Variants in SPTA1 observed in about 807,000 individuals in gnomAD.
SPTA1 encodes the protein spectrin alpha, erythrocytic 1.
In SPTA1, 177 loss-of-function variants were observed where a neutral mutation model predicts 324.7. That is an observed-to-expected ratio of 0.55 (90% CI 0.48 to 0.62). The LOEUF is 0.62. SPTA1 is among the 20% of genes least tolerant of loss of function. SPTA1 has a pLI of 0.00. For missense variants in SPTA1, 3,162 were observed against 2,883.6 expected (o/e 1.10, Z -2.21); for synonymous variants, 1,195 against 1,041.3 (o/e 1.15, Z -2.84).
chr1:158,680,829 T>C (rs1358716318), intron 4 of SPTA1, 100 bp from the exon 5 acceptor site: 6 of 1,481,118 alleles, frequency 4.1e-6, no homozygotes, highest in Non-Finnish European at 5.6e-6. Context: ...ATAACTCAAA[T>C]GGAGATACTG....
chr1:158,642,810 T>G lies in SPTA1; in HGVS notation c.4605+4A>C, dbSNP rs773116925. 1 of 1,613,886 alleles carries G rather than the reference T, an allele frequency of 6.2e-7. No individual in the cohort carries two copies. The highest frequency in any genetic ancestry group is 8.5e-7 in the Non-Finnish European group (1 of 1,179,832). On this transcript the variant is annotated splice_donor_region_variant and intron_variant, in intron 32 of 51. Transcript: ENST00000643759. The stretch of plus-strand genomic sequence containing the variant: ...ATTTTCCAAGATTCCTATTTTGAAC[T>G]TGCCTGAATGTTAGTGGCGTCTTTG...
chr1:158,659,816 T>C (rs1653088752), intron 18 of SPTA1, among the ~76,000 whole-genome samples: 1 of 66,162 alleles, frequency 1.5e-5, no homozygotes, highest in Non-Finnish European at 2.5e-5. Context: ...TTCACCTTGT[T>C]AGCCAGGATG....
intron 50 of SPTA1, 42 bp downstream of exon 50, chr1:158,613,679 C>T: frequency 6.2e-7 from 1 of 1,612,928 alleles, no homozygotes; most frequent in Non-Finnish European, 8.5e-7. Context: ...TCCCTCCAAA[C>T]CCCCATCCCT....
chr1:158,612,683 G>T, intron 51 of SPTA1, 134 bp downstream of exon 51: 1 of 927,484 alleles, frequency 1.1e-6, no homozygotes, highest in Non-Finnish European at 1.7e-6. Flanking sequence ...CAAAGCAAAT[G>T]ACATCTTGTG....
chr1:158,670,738 G>A (rs1327755525), intron 12 of SPTA1, among the ~76,000 whole-genome samples: 1 of 152,024 alleles, frequency 6.6e-6, no homozygotes, highest in Non-Finnish European at 1.5e-5. Flanking sequence ...GGAAAACTCT[G>A]TAGTCATATA....
intron 28 of SPTA1, 37 bp from the exon 29 acceptor site, chr1:158,645,422 C>T: frequency 6.2e-7 from 1 of 1,613,926 alleles, no homozygotes; most frequent in Non-Finnish European, 8.5e-7. Flanking sequence ...GTGAGGCCAA[C>T]TCCATTGGAA....
At chr1:158,646,241 A>G (rs1176481754) in intron 27 of SPTA1, among the ~76,000 whole-genome samples, 1 of 151,962 alleles carries the variant, frequency 6.6e-6, no homozygotes, top group East Asian at 1.9e-4. Flanking sequence ...AATTTTAACT[A>G]TGCATTAACT....
At position 158,645,089 on chromosome 1, in the gene SPTA1, C is replaced by T. The variant is rs945743729; in HGVS notation, c.4194+99G>A. 53 of 1,245,518 alleles carry T rather than the reference C, an allele frequency of 4.3e-5. No individual in the cohort carries two copies. The Middle Eastern group carries it at 1.1e-3, about 26-fold the overall frequency. The allele number at this position is 1,245,518 out of a possible 1,614,324, so 77.2% of individuals were successfully genotyped here. A position where few individuals can be genotyped will look rare whatever the true frequency, so the allele number is the denominator to read the frequency against. Reference sequence around the variant, plus strand: ...AGATGAGCTCCCTTTGTGTTTATAACGTGGAAAGTCTAGTGAACGGAGCCT... The same window carrying T: ...AGATGAGCTCCCTTTGTGTTTATAATGTGGAAAGTCTAGTGAACGGAGCCT... On this transcript the variant is annotated intron_variant, in intron 29 of 51. Transcript: ENST00000643759.
At chr1:158,629,154 A>T (rs1055525917) in intron 39 of SPTA1, among the ~76,000 whole-genome samples, 3 of 150,960 alleles carry the variant, frequency 2.0e-5, no homozygotes, top group Non-Finnish European at 4.4e-5. Flanking sequence ...AGATAGATAG[A>T]TAGATATGTC....
At chr1:158,671,646 C>T (rs1034704622) in intron 11 of SPTA1, among the ~76,000 whole-genome samples, 193 bp from the exon 12 acceptor site, 1 of 152,144 alleles carries the variant, frequency 6.6e-6, no homozygotes. Flanking sequence ...ATACAATTTT[C>T]TCACTTATGT....
At chr1:158,628,397 C>A (rs939135065) in intron 39 of SPTA1, among the ~76,000 whole-genome samples, 2 of 152,028 alleles carry the variant, frequency 1.3e-5, no homozygotes, top group African/African-American at 4.8e-5. Context: ...CAATTTTTTT[C>A]CTATACAACA....
Position 158,639,972 on chromosome 1 carries a change from A to T in SPTA1, c.4773T>A (p.His1591Gln). Residue 1591 changes from histidine to glutamine, a missense_variant, in exon 34 of 52, where the codon CAT (histidine) becomes CAA (glutamine). Transcript: ENST00000643759. Reference sequence around the variant, plus strand: ...CTTTGTCATTTGTTCTCTCAAGCAGATGATCCCAATGTTCCTTCAGCTGTT... The same window carrying T: ...CTTTGTCATTTGTTCTCTCAAGCAGTTGATCCCAATGTTCCTTCAGCTGTT... ...QLEQLKEHWD[H>Q]LLERTNDKGK... is the part of the protein sequence containing the mutation. 6.2e-7 allele frequency: 1 copy of T among 1,613,912 alleles called. No homozygotes were observed. The highest frequency in any genetic ancestry group is 8.5e-7 in the Non-Finnish European group (1 of 1,179,892).
chr1:158,665,250 C>T (rs1047696632), intron 16 of SPTA1, among the ~76,000 whole-genome samples: 18 of 152,042 alleles, frequency 1.2e-4, no homozygotes, highest in African/African-American at 3.9e-4. Flanking sequence ...CTCTGTTCTC[C>T]GGGTAGATTT....
chr1:158,642,476 CGCCATGCACCTGCTCAGATCG>C lies in SPTA1; in HGVS notation c.4651_4671del (p.Arg1551_Gly1557del). 1 of 1,613,664 alleles carries C rather than the reference CGCCATGCACCTGCTCAGATCG, an allele frequency of 6.2e-7. No homozygotes were observed. The highest frequency in any genetic ancestry group is 8.5e-7 in the Non-Finnish European group (1 of 1,179,740). ...ATCAGGGAGTTCCCCAGGTTGATGA[CGCCATGCACCTGCTCAGATCG>C]GCCATCGACTTCATGTGCAAAGGTC... On this transcript the variant is annotated inframe_deletion, in exon 33 of 52. Coordinates refer to ENST00000643759, the MANE Select transcript of SPTA1 (RefSeq NM_003126.4).
In SPTA1 at chr1:158,686,655, CT is replaced by C; in HGVS notation, c.-139del. On this transcript the variant is annotated 5_prime_UTR_variant, in exon 1 of 52. An upstream open reading frame in the 5' UTR loses its in-frame stop. Transcript: ENST00000643759. ...AAGTATGTGGGGGAAAAAAAAAAAC[CT>C]CTTGCTTGGTCCTAGAATCCCATCA... 1.5e-6 allele frequency: 1 copy of C among 681,932 alleles called. No individual in the cohort carries two copies. The highest frequency in any genetic ancestry group is 2.6e-6 in the Non-Finnish European group (1 of 388,760). 42.2% of individuals were successfully genotyped at this position (681,932 alleles called of 1,614,324 possible).
chr1:158,646,933 T>G (rs1420422635), intron 27 of SPTA1, among the ~76,000 whole-genome samples: 1 of 152,208 alleles, frequency 6.6e-6, no homozygotes, highest in Non-Finnish European at 1.5e-5. Flanking sequence ...TGTCTAGACT[T>G]TAGTAAGATA....
At position 158,647,553 on chromosome 1, in the gene SPTA1, G is replaced by T; in HGVS notation, c.3882C>A (p.Phe1294Leu). 1.2e-6 allele frequency: 2 copies of T among 1,613,384 alleles called. No individual in the cohort carries two copies. The highest frequency in any genetic ancestry group is 1.7e-6 in the Non-Finnish European group (2 of 1,179,866). The part of the protein sequence containing the change: ...SLNEAQKFYL[F>L]LSKARDLQNW... ...CCCCACTCTACCTGGCCTTGCTGAG[G>T]AACAGGTAGAATTTCTGGGCCTCAT... The change falls in exon 27 of 52, where the codon TTC (phenylalanine) becomes TTA (leucine). Residue 1294 changes from phenylalanine (F) to leucine (L), a missense_variant. Coordinates refer to ENST00000643759, the MANE Select transcript of SPTA1 (RefSeq NM_003126.4).
chr1:158,675,668 TA>T (rs1337202546), intron 8 of SPTA1, among the ~76,000 whole-genome samples: 1 of 152,150 alleles, frequency 6.6e-6, no homozygotes, highest in African/African-American at 2.4e-5. Flanking sequence ...ATAGAACAAT[TA>T]AATAAAATAA....
chr1:158,647,692 C>T lies in SPTA1; in HGVS notation c.3743G>A (p.Arg1248Gln), dbSNP rs568044940. The T allele has an allele frequency of 7.4e-6, 12 of 1,613,894 alleles. No homozygotes were observed. Among genetic ancestry groups the T allele is most frequent in the Admixed American group, 6.7e-5 (4 of 59,968 alleles). Residue 1248 changes from arginine to glutamine, a missense_variant, in exon 27 of 52, where the codon CGG (arginine) becomes CAG (glutamine). Transcript: ENST00000643759. ...GGCATCTGGATGGGACTCACTGAGC[C>T]GCTCTGCTGTCTCCCCCAGTATGGT... ...KVTILGETAE[R>Q]LSESHPDATE...
Sources: gnomAD v4.1 joint callset for allele counts (sites outside exome capture counted in the v4.1 genomes callset) on GRCh38, gnomAD v4.1.1 for gene constraint, MANE v1.5 for transcripts, NCBI Gene and HGNC (gene_info 2026-07-23, HGNC 2026-07-21) for gene names.